The following ANO6 variants were observed in gnomAD, a reference collection of about 807,000 sequenced individuals.
The protein encoded by ANO6 is anoctamin-6.
A neutral mutation model predicts 117.5 loss-of-function variants in ANO6; 106 were observed. That is an observed-to-expected ratio of 0.90 (90% CI 0.77 to 1.06). The LOEUF (loss-of-function observed/expected upper bound fraction) is 1.06. Ranked by LOEUF, ANO6 falls within the 50% of genes least tolerant of loss-of-function variation. The pLI, the probability that ANO6 is intolerant of heterozygous loss-of-function variation, is 0.00. For synonymous variants in ANO6, 367 were observed against 385.1 expected (o/e 0.95, Z 0.55); for missense variants, 955 against 1,121.1 (o/e 0.85, Z 2.12).
chr12:45,301,344 C>G (rs1202210674), intron 1 of ANO6, among the ~76,000 whole-genome samples: 1 of 151,746 alleles, frequency 6.6e-6, no homozygotes, highest in African/African-American at 2.4e-5. Context: ...GTAATCTCAG[C>G]ACGTTGGGAG....
chr12:45,272,010 CCATA>C (rs2137235333), intron 1 of ANO6, among the ~76,000 whole-genome samples: 1 of 152,192 alleles, frequency 6.6e-6, no homozygotes, highest in South Asian at 2.1e-4. Flanking sequence ...AGTAAAGTCA[CCATA>C]TATCATGGAA....
intron 17 of ANO6, among the ~76,000 whole-genome samples, 157 bp downstream of exon 17, chr12:45,417,061 A>C (rs1943232023): frequency 6.6e-6 from 1 of 152,228 alleles, no homozygotes; most frequent in African/African-American, 2.4e-5. Context: ...CACTTGTTAA[A>C]TGTATTTTCA....
chr12:45,382,066 C>T (rs780657812), intron 10 of ANO6, among the ~76,000 whole-genome samples: 12 of 152,040 alleles, frequency 7.9e-5, no homozygotes, highest in Non-Finnish European at 1.3e-4. Flanking sequence ...AGAGTTCTGC[C>T]AATAATTTGG....
chr12:45,341,883 T>G (rs542694442), intron 3 of ANO6, among the ~76,000 whole-genome samples: 7 of 152,044 alleles, frequency 4.6e-5, no homozygotes, highest in African/African-American at 1.7e-4. Flanking sequence ...AAGTCGAGCA[T>G]GTTAAAAGGC....
chr12:45,303,471 TATCTA>T (rs1391533140), intron 2 of ANO6, among the ~76,000 whole-genome samples: 3 of 152,196 alleles, frequency 2.0e-5, no homozygotes, highest in African/African-American at 7.2e-5. Flanking sequence ...TCAAGCAACA[TATCTA>T]ATCTAAAAAG....
Position 45,348,578 on chromosome 12 carries a change from A to T in ANO6, c.694A>T (p.Ile232Phe). The part of the protein sequence containing the change: ...QVINNVSKFG[I>F]NRLVNSGIYK... Reference sequence around the variant, plus strand: ...GATAAACAATGTTAGCAAGTTTGGGATCAACAGACTTGTAAACTCTGGGAT... The same window carrying T: ...GATAAACAATGTTAGCAAGTTTGGGTTCAACAGACTTGTAAACTCTGGGAT... Residue 232 changes from isoleucine to phenylalanine, a missense_variant, in exon 6 of 20, where the codon ATC (isoleucine) becomes TTC (phenylalanine). Coordinates refer to ENST00000320560, the MANE Select transcript of ANO6 (RefSeq NM_001025356.3). 6.2e-7 allele frequency: 1 copy of T among 1,613,978 alleles called. No homozygotes were observed. The highest frequency in any genetic ancestry group is 1.1e-5 in the South Asian group (1 of 91,070).
rs1254878417 is a variant in ANO6, at chr12:45,394,161, C to A, written c.1386+3663C>A. ...AAGGGATGGAGGAAGATCTACCAAG[C>A]AAATGGAAAGCAAAAAAAAGCAGGG... On this transcript the variant is annotated intron_variant, in intron 12 of 19. Coordinates refer to ENST00000320560, the MANE Select transcript of ANO6 (RefSeq NM_001025356.3). 3.3e-5 allele frequency among the ~76,000 whole-genome samples: 5 copies of A among 151,916 alleles called. No individual in the cohort carries two copies. The South Asian group carries it at 8.3e-4, about 25-fold the overall frequency.
At chr12:45,410,477 T>C (rs1299718358) in intron 16 of ANO6, among the ~76,000 whole-genome samples, 1 of 152,208 alleles carries the variant, frequency 6.6e-6, no homozygotes, top group Non-Finnish European at 1.5e-5. Flanking sequence ...GATTTTGACC[T>C]CTCAGTTGCC....
intron 9 of ANO6, among the ~76,000 whole-genome samples, chr12:45,375,223 G>A (rs570770214): frequency 6.6e-6 from 1 of 152,238 alleles, no homozygotes; most frequent in Admixed American, 6.5e-5. Flanking sequence ...ACAAATGGAA[G>A]AACATTCCAT....
At chr12:45,399,289 G>C (rs138640078) in intron 12 of ANO6, among the ~76,000 whole-genome samples, 13 of 152,062 alleles carry the variant, frequency 8.5e-5, no homozygotes, top group Non-Finnish European at 1.6e-4. Context: ...TCCGCCTCCC[G>C]CGTTCAAGTG....
intron 19 of ANO6, among the ~76,000 whole-genome samples, chr12:45,428,200 C>A (rs1333250682): frequency 4.6e-5 from 7 of 152,138 alleles, no homozygotes; most frequent in African/African-American, 1.4e-4. Context: ...CTGGAAACAA[C>A]CTCAATGCCT....
intron 7 of ANO6, among the ~76,000 whole-genome samples, chr12:45,351,267 G>T (rs1941273058): frequency 6.6e-6 from 1 of 152,202 alleles, no homozygotes; most frequent in Non-Finnish European, 1.5e-5. Flanking sequence ...AGAAGTAAAT[G>T]TTAGATGTAG....
chr12:45,336,662 A>G (rs182416409), intron 3 of ANO6, among the ~76,000 whole-genome samples: 1 of 152,220 alleles, frequency 6.6e-6, no homozygotes, highest in African/African-American at 2.4e-5. Context: ...ACAATCATGT[A>G]TAGTACCGAA....
intron 2 of ANO6, among the ~76,000 whole-genome samples, chr12:45,317,113 G>GTGTGTGTGTGTGTATATA: frequency 3.0e-5 from 2 of 66,446 alleles, no homozygotes; most frequent in African/African-American, 8.2e-5. Context: ...CTTTTTATAT[G>GTGTGTGTGTGTGTATATA]TATATATATA....
intron 2 of ANO6, among the ~76,000 whole-genome samples, chr12:45,303,595 T>C (rs1939568448): frequency 1.3e-5 from 2 of 152,222 alleles, no homozygotes; most frequent in Admixed American, 1.3e-4. Context: ...TTGAGTGTAT[T>C]GCGATGTTGC....
intron 2 of ANO6, among the ~76,000 whole-genome samples, chr12:45,309,857 C>T (rs1939794032): frequency 6.6e-6 from 1 of 151,844 alleles, no homozygotes; most frequent in Non-Finnish European, 1.5e-5. Context: ...CTTAAGCTTG[C>T]CAAACTAAAA....
At position 45,388,233 on chromosome 12, in the gene ANO6, A is replaced by C. The variant is rs777767510; in HGVS notation, c.1238A>C (p.Gln413Pro). 7 of 1,614,174 alleles carry C rather than the reference A, an allele frequency of 4.3e-6. No homozygotes were observed. The South Asian group carries it at 7.7e-5, about 18-fold the overall frequency. Reference sequence around the variant, plus strand: ...TATGAATGGGATACTGTTGAGTTACAGCAGGAAGAACAAGCCCGACCAGAA... The same window carrying C: ...TATGAATGGGATACTGTTGAGTTACCGCAGGAAGAACAAGCCCGACCAGAA... ...LEYEWDTVEL[Q>P]QEEQARPEYE... The change falls in exon 11 of 20, where the codon CAG becomes CCG. Residue 413 changes from glutamine to proline, a missense_variant. Gln to Pro is a moderately conservative substitution (Grantham distance 76). Coordinates refer to ENST00000320560, the MANE Select transcript of ANO6 (RefSeq NM_001025356.3).
intron 12 of ANO6, among the ~76,000 whole-genome samples, chr12:45,391,698 C>G (rs1392724140): frequency 1.3e-5 from 2 of 152,156 alleles, no homozygotes; most frequent in Non-Finnish European, 2.9e-5. Flanking sequence ...GAAACCCTGT[C>G]TTTACTAAAA....
intron 8 of ANO6, among the ~76,000 whole-genome samples, chr12:45,359,671 G>T (rs564878793): frequency 1.3e-5 from 2 of 152,058 alleles, no homozygotes; most frequent in Admixed American, 1.3e-4. Flanking sequence ...TGTATAAACC[G>T]CATTGTTTAT....
Sources: allele counts gnomAD v4.1 joint callset (sites outside exome capture counted in the v4.1 genomes callset), GRCh38; gene constraint gnomAD v4.1.1; transcripts MANE v1.5; gene names NCBI Gene and HGNC (gene_info 2026-07-23, HGNC 2026-07-21).